The following NBPF14 variants were observed in gnomAD, a reference collection of about 807,000 sequenced individuals.
The protein encoded by NBPF14 is NBPF family member NBPF14.
Under a neutral mutation model 91.2 loss-of-function variants are expected in NBPF14, and 104 were observed. That is an observed-to-expected ratio of 1.14 (90% CI 0.97 to 1.34). The LOEUF is 1.34. NBPF14 is among the 40% of genes most tolerant of loss of function. NBPF14 has a pLI of 0.00. For synonymous variants in NBPF14, 294 were observed against 303.8 expected, an observed-to-expected ratio of 0.97 and a Z score of 0.34; for missense variants, 908 against 783.0, an observed-to-expected ratio of 1.16 and a Z score of -1.91.
chr1:148,566,780 A>G, intron 28 of NBPF14, among the ~76,000 whole-genome samples, 172 bp downstream of exon 28: 1 of 100,806 alleles, frequency 9.9e-6, no homozygotes, highest in African/African-American at 4.3e-5. Context: ...AAGGGGAGGA[A>G]GAAATGGAAA....
chr1:148,559,903 C>A, exon 37 of NBPF14: 3 of 1,277,662 alleles, frequency 2.3e-6, no homozygotes, highest in Non-Finnish European at 3.3e-6. Context: ...AGTTGAATAA[C>A]ATCTATCCAG....
At chr1:148,585,623 CAGA>C (rs1237284930) in intron 9 of NBPF14, among the ~76,000 whole-genome samples, 10 of 149,410 alleles carry the variant, frequency 6.7e-5, no homozygotes, top group Middle Eastern at 6.9e-3. Context: ...CTCTATGCAT[CAGA>C]AGATTTCAAG....
At chr1:148,534,646 C>T (rs1321537481) in intron 69 of NBPF14, 38 bp downstream of exon 69, 1 of 863,404 alleles carries the variant, frequency 1.2e-6, no homozygotes, top group Admixed American at 1.7e-5. Flanking sequence ...TCTGGAAGAC[C>T]AGGTGGAGGC....
intron 28 of NBPF14, 111 bp from the exon 29 acceptor site, chr1:148,566,426 G>A (rs1203498706): frequency 1.6e-6 from 1 of 608,656 alleles, no homozygotes; most frequent in Admixed American, 2.9e-5. Flanking sequence ...TAAAAGGATA[G>A]ATCCATTAAT....
At chr1:148,590,251 G>A (rs1458560116) in intron 6 of NBPF14, among the ~76,000 whole-genome samples, 1 of 139,604 alleles carries the variant, frequency 7.2e-6, no homozygotes, top group East Asian at 2.0e-4. Context: ...TAAAGATGGG[G>A]TTTCACCGTG....
rs1657428631 is a variant in NBPF14 at position 148,559,984 on chromosome 1, G to T, written c.4557-19C>A. The T allele has an allele frequency of 4.2e-6, 5 of 1,192,052 alleles. 1 individual carries two copies. The African/African-American group carries it at 6.3e-5, about 15-fold the overall frequency. 73.8% of individuals were successfully genotyped at this position (1,192,052 alleles called of 1,614,324 possible). On this transcript the variant is annotated intron_variant, in intron 36 of 70. Coordinates refer to ENST00000619423, the Ensembl canonical transcript of NBPF14. Reference sequence around the variant, plus strand: ...GCTGAGCCTGGAAAAGTGGAAAAAAGTAAAGAATAAGCCAGGGGGAATCAG... The same window carrying T: ...GCTGAGCCTGGAAAAGTGGAAAAAATTAAAGAATAAGCCAGGGGGAATCAG...
intron 28 of NBPF14, among the ~76,000 whole-genome samples, 158 bp from the exon 29 acceptor site, chr1:148,566,473 C>T (rs1443807300): frequency 7.1e-6 from 1 of 141,120 alleles, no homozygotes; most frequent in African/African-American, 2.6e-5. Context: ...TGGGACAGAA[C>T]AGGGCCAAAT....
In NBPF14 at chr1:148,557,468, G is replaced by A; in HGVS notation, c.5006+23C>T. On this transcript the variant is annotated intron_variant, in intron 40 of 70. Transcript: ENST00000619423. ...GTCTCCAGATGTCAACACAGAAGTA[G>A]CTGTTCACAATTGCTCAGTTACCTG... 6.2e-6 allele frequency: 4 copies of A among 641,108 alleles called. 1 individual carries two copies. The highest frequency in any genetic ancestry group is 1.1e-5 in the Non-Finnish European group (4 of 374,192). 39.7% of individuals were successfully genotyped at this position (641,108 alleles called of 1,614,324 possible).
chr1:148,534,402 A>G (rs1365049161), intron 69 of NBPF14, among the ~76,000 whole-genome samples: 2 of 151,782 alleles, frequency 1.3e-5, no homozygotes, highest in Admixed American at 1.3e-4. Context: ...TCAAAATCAC[A>G]GTTCTCTGAA....
In NBPF14 at chr1:148,533,754, A is replaced by C. The variant is rs1218845665; in HGVS notation, c.8723+107T>G. The C allele has an allele frequency of 4.9e-5, 37 of 760,436 alleles. 2 individuals are homozygous for C. Among genetic ancestry groups the C allele is most frequent in the Middle Eastern group, 7.2e-4 (2 of 2,792 alleles). 47.1% of individuals were successfully genotyped at this position (760,436 alleles called of 1,614,324 possible). ...ACCAACAGCAATGACAGTAGGAGTA[A>C]TTCAGCCTTTGTTGAAAATATGACA... On this transcript the variant is annotated intron_variant, in intron 70 of 70. Transcript: ENST00000619423.
rs1448662237 is a variant in NBPF14 at position 148,558,131 on chromosome 1, C to A, written c.4954+121G>T. The A allele has an allele frequency of 6.2e-5, 15 of 242,070 alleles. 2 individuals are homozygous for A. The highest frequency in any genetic ancestry group is 1.6e-4 in the Admixed American group (2 of 12,844). 15.0% of individuals were successfully genotyped at this position (242,070 alleles called of 1,614,324 possible). ...CAGTTTCATTACAACCTATATGCGC[C>A]CATAGGTTCTGCCTGCGGCAATGAC... On this transcript the variant is annotated intron_variant, in intron 39 of 70. Coordinates refer to ENST00000619423, the Ensembl canonical transcript of NBPF14.
At chr1:148,535,363 A>C in intron 68 of NBPF14, 90 bp downstream of exon 68, 2 of 564,930 alleles carry the variant, frequency 3.5e-6, no homozygotes, top group Admixed American at 6.0e-5. Flanking sequence ...TTCGCTGAAA[A>C]CATGAAATTG....
chr1:148,594,014 C>G lies in NBPF14; in HGVS notation c.176-314G>C, dbSNP rs1553798058. Among the ~76,000 whole-genome samples, 9 of 148,884 alleles carry G rather than the reference C, an allele frequency of 6.0e-5. 1 individual carries two copies. The highest frequency in any genetic ancestry group is 1.2e-4 in the Non-Finnish European group (8 of 66,570). On this transcript the variant is annotated intron_variant, in intron 2 of 70. Transcript: ENST00000619423. ...CTGAATGTGGGGCCACTTTCCCAAGCCTTGCAGCCTCTCCTCTAAAACACT... is the reference window on the plus strand; with the variant it reads ...CTGAATGTGGGGCCACTTTCCCAAGGCTTGCAGCCTCTCCTCTAAAACACT...
At chr1:148,539,207 T>A (rs1655475158) in intron 63 of NBPF14, among the ~76,000 whole-genome samples, 2 of 90,544 alleles carry the variant, frequency 2.2e-5, no homozygotes, top group East Asian at 7.0e-4. Flanking sequence ...GGCTGGAGAC[T>A]AGGAATAGAG....
At chr1:148,560,016 C>T in intron 36 of NBPF14, 51 bp from the exon 37 acceptor site, 1 of 755,000 alleles carries the variant, frequency 1.3e-6, no homozygotes, top group Non-Finnish European at 2.3e-6. Flanking sequence ...TCAGAAACCA[C>T]ACAGCCCCAG....
chr1:148,590,293 A>C (rs1173331091), intron 6 of NBPF14, among the ~76,000 whole-genome samples: 3 of 139,734 alleles, frequency 2.1e-5, no homozygotes, highest in South Asian at 2.5e-4. Flanking sequence ...TCCTGACCTC[A>C]TGATCCACCC....
chr1:148,533,315 T>A (rs2149464499), intron 70 of NBPF14, 67 bp from the exon 71 acceptor site: 1 of 494,618 alleles, frequency 2.0e-6, no homozygotes, highest in Non-Finnish European at 3.4e-6. Flanking sequence ...CCCAGCTAGA[T>A]TTCAGAAGCA....
Position 148,533,688 on chromosome 1 carries a change from G to A in NBPF14, c.8723+173C>T, listed in dbSNP as rs1236750485. Among the ~76,000 whole-genome samples, 57 of 150,544 alleles carry A rather than the reference G, an allele frequency of 3.8e-4. No homozygotes were observed. In the East Asian group the frequency reaches 4.3e-3, roughly 11 times the overall value. On this transcript the variant is annotated intron_variant, in intron 70 of 70. Transcript: ENST00000619423. ...CTATGGTACGTTAGGAAATGATAAG[G>A]GGAGGAAGAAATGGAAACCTAAACA...
chr1:148,569,572 G>A (rs1482913728), intron 24 of NBPF14, 145 bp from the exon 25 acceptor site: 4 of 335,538 alleles, frequency 1.2e-5, no homozygotes, highest in South Asian at 2.4e-5. Context: ...TTGCCTTTAT[G>A]TTGGGATAGA....
Sources: gnomAD v4.1 joint callset for allele counts (sites outside exome capture counted in the v4.1 genomes callset) on GRCh38, gnomAD v4.1.1 for gene constraint, MANE v1.5 for transcripts, NCBI Gene and HGNC (gene_info 2026-07-23, HGNC 2026-07-21) for gene names.